Variants in ITGB3BP observed in about 807,000 individuals in gnomAD.
The protein encoded by ITGB3BP is integrin subunit beta 3 binding protein, also known as centromere protein R.
A neutral mutation model predicts 29.1 loss-of-function variants in ITGB3BP; 27 were observed. The observed-to-expected ratio is 0.93, with a 90% CI of 0.68 to 1.28. ITGB3BP has a LOEUF of 1.28. Among genes scored for constraint, ITGB3BP ranks in the 50% most tolerant of loss-of-function variants. The pLI is 0.00. For synonymous variants in ITGB3BP, 61 were observed against 61.4 expected (o/e 0.99, Z 0.03); for missense variants, 192 against 200.2 (o/e 0.96, Z 0.25).
At chr1:63,508,427 TA>T (rs1352183782) in intron 2 of ITGB3BP, 100 bp downstream of exon 2, 18 of 628,410 alleles carry the variant, frequency 2.9e-5, no homozygotes, top group Non-Finnish European at 4.5e-5. Flanking sequence ...GTGATATAAT[TA>T]AAATTATCAA....
chr1:63,465,194 A>T (rs1265259277), intron 4 of ITGB3BP, among the ~76,000 whole-genome samples: 1 of 152,308 alleles, frequency 6.6e-6, no homozygotes, highest in East Asian at 1.9e-4. Flanking sequence ...TATTCAGAAA[A>T]GTTTGAGTAC....
intron 4 of ITGB3BP, among the ~76,000 whole-genome samples, chr1:63,465,665 T>C (rs978302607): frequency 2.0e-5 from 3 of 152,096 alleles, no homozygotes; most frequent in Non-Finnish European, 2.9e-5. Flanking sequence ...GCTGGGATTA[T>C]AGGTGTGAGC....
At chr1:63,492,032 C>T (rs1645659642) in intron 2 of ITGB3BP, among the ~76,000 whole-genome samples, 1 of 152,104 alleles carries the variant, frequency 6.6e-6, no homozygotes, top group Non-Finnish European at 1.5e-5. Context: ...AGTCACTACC[C>T]TAATGTACAT....
At chr1:63,515,825 T>TA (rs76881362) in intron 1 of ITGB3BP, among the ~76,000 whole-genome samples, 617 of 48,626 alleles carry the variant, frequency 0.013, 45 homozygotes, top group East Asian at 0.053. Flanking sequence ...GACTCCAACT[T>TA]AAAAAAAAAA....
In ITGB3BP at chr1:63,523,127, A is replaced by T. The variant is rs1401111582; in HGVS notation, c.5+2T>A. The T allele has an allele frequency of 1.2e-6, 2 of 1,614,190 alleles. No individual in the cohort carries two copies. Among genetic ancestry groups the T allele is most frequent in the Non-Finnish European group, 1.7e-6 (2 of 1,180,028 alleles). On this transcript the variant is annotated splice_donor_variant, in intron 1 of 8. Transcript: ENST00000271002. LOFTEE classifies it high-confidence loss of function. ...AGCAATACCTGGGGAGGAGATACCTACGGCATTCTGAGATTCGGGAAAGCA... is the reference window on the plus strand; with the variant it reads ...AGCAATACCTGGGGAGGAGATACCTTCGGCATTCTGAGATTCGGGAAAGCA...
At chr1:63,464,899 T>C (rs986889659) in intron 4 of ITGB3BP, among the ~76,000 whole-genome samples, 4 of 152,144 alleles carry the variant, frequency 2.6e-5, no homozygotes, top group Non-Finnish European at 5.9e-5. Context: ...TTTAAAAATA[T>C]CACTGTCAGA....
intron 7 of ITGB3BP, among the ~76,000 whole-genome samples, chr1:63,449,996 G>C (rs1375340317): frequency 1.3e-5 from 2 of 151,816 alleles, no homozygotes; most frequent in Non-Finnish European, 3.0e-5. Flanking sequence ...GAATGAAGAG[G>C]CAATATCAAA....
intron 4 of ITGB3BP, among the ~76,000 whole-genome samples, chr1:63,469,195 T>C (rs1039562430): frequency 1.3e-5 from 2 of 152,190 alleles, no homozygotes; most frequent in African/African-American, 4.8e-5. Flanking sequence ...TGATAATATA[T>C]GCCTAAGACA....
rs376162873 is a variant in ITGB3BP at position 63,444,177 on chromosome 1, C to T, written c.*1+2629G>A. Among the ~76,000 whole-genome samples the T allele has an allele frequency of 3.3e-5, 5 of 152,062 alleles. No individual in the cohort carries two copies. The South Asian group carries it at 6.2e-4, about 19-fold the overall frequency. The stretch of plus-strand genomic sequence containing the variant: ...AGTATTACTCAAAGACTCAAAAGAA[C>T]ACCCCAAAATGTGGTTATCTTTACT... On this transcript the variant is annotated intron_variant, in intron 8 of 8. Transcript: ENST00000271002.
chr1:63,476,026 TTTTC>T (rs1417572835), intron 4 of ITGB3BP, among the ~76,000 whole-genome samples: 2 of 149,486 alleles, frequency 1.3e-5, no homozygotes, highest in Non-Finnish European at 3.0e-5. Context: ...AAACGTATCA[TTTTC>T]TTTTTTTTTT....
At chr1:63,499,163 T>G (rs1645862932) in intron 2 of ITGB3BP, among the ~76,000 whole-genome samples, 2 of 151,076 alleles carry the variant, frequency 1.3e-5, no homozygotes, top group Non-Finnish European at 3.0e-5. Flanking sequence ...AGCGTTTTTT[T>G]TTTTTTTTTT....
chr1:63,486,543 T>C (rs1645534643), intron 3 of ITGB3BP, among the ~76,000 whole-genome samples: 1 of 152,080 alleles, frequency 6.6e-6, no homozygotes, highest in African/African-American at 2.4e-5. Context: ...AGATAAAATA[T>C]TTACAGTATT....
At chr1:63,500,317 G>A (rs1194663249) in intron 2 of ITGB3BP, among the ~76,000 whole-genome samples, 1 of 152,158 alleles carries the variant, frequency 6.6e-6, no homozygotes, top group African/African-American at 2.4e-5. Context: ...GGCGGAGGTT[G>A]CAGTGAGCTG....
chr1:63,523,015 A>T (rs1646496469), intron 1 of ITGB3BP, 114 bp downstream of exon 1: 1 of 1,232,966 alleles, frequency 8.1e-7, no homozygotes, highest in African/African-American at 1.5e-5. Flanking sequence ...GACAGAGGAG[A>T]CAAGTTCATA....
chr1:63,451,441 G>A (rs1455195598), intron 7 of ITGB3BP, among the ~76,000 whole-genome samples: 1 of 151,784 alleles, frequency 6.6e-6, no homozygotes, highest in Non-Finnish European at 1.5e-5. Context: ...AAAAGAAAGT[G>A]GAAATTTCAA....
chr1:63,521,349 T>C (rs71643681), intron 1 of ITGB3BP, among the ~76,000 whole-genome samples: 5,126 of 152,226 alleles, frequency 0.034, 105 homozygotes, highest in Non-Finnish European at 0.045. Flanking sequence ...AACTGTTGAT[T>C]TAGTCTTAAA....
chr1:63,504,433 G>C (rs1421576764), intron 2 of ITGB3BP, among the ~76,000 whole-genome samples: 1 of 151,876 alleles, frequency 6.6e-6, no homozygotes, highest in Non-Finnish European at 1.5e-5. Context: ...GGGTTTTCTA[G>C]ATATACAATC....
intron 2 of ITGB3BP, among the ~76,000 whole-genome samples, chr1:63,504,021 TTAAAG>T (rs1186525171): frequency 6.6e-6 from 1 of 151,878 alleles, no homozygotes; most frequent in Non-Finnish European, 1.5e-5. Flanking sequence ...CATATGAACT[TTAAAG>T]TAGTTTTTTC....
chr1:63,444,302 T>C (rs999128352), intron 8 of ITGB3BP, among the ~76,000 whole-genome samples: 1 of 152,018 alleles, frequency 6.6e-6, no homozygotes, highest in Non-Finnish European at 1.5e-5. Context: ...ATTTACTAAA[T>C]GTGTAACTGT....
Sources: allele counts gnomAD v4.1 joint callset (sites outside exome capture counted in the v4.1 genomes callset), GRCh38; gene constraint gnomAD v4.1.1; transcripts MANE v1.5; gene names NCBI Gene and HGNC (gene_info 2026-07-23, HGNC 2026-07-21).